The following PAPPA2 variants were observed in gnomAD, a reference collection of about 807,000 sequenced individuals.
The protein encoded by PAPPA2 is pappalysin-2.
PAPPA2 carries 86 observed loss-of-function variants against 176.4 expected under a neutral mutation model. That is an observed-to-expected ratio of 0.49 (90% CI 0.41 to 0.58). PAPPA2 has a LOEUF of 0.58. Ranked by LOEUF, PAPPA2 falls within the 20% of genes least tolerant of loss-of-function variation. PAPPA2 has a pLI of 0.00. For synonymous variants in PAPPA2, 809 were observed against 852.2 expected (o/e 0.95, Z 0.88); for missense variants, 2,073 against 2,256.9 (o/e 0.92, Z 1.65).
chr1:176,768,578 C>T lies in PAPPA2; in HGVS notation c.4324-1029C>T, dbSNP rs539644850. 9.9e-5 allele frequency among the ~76,000 whole-genome samples: 15 copies of T among 152,268 alleles called. No homozygotes were observed. The East Asian group carries it at 2.9e-3, about 29-fold the overall frequency. ...TTTACTTTCTTTTCTGCCTTTCTCC[C>T]TCCTTTTCTCCTTTCTATTCTTCCT... On this transcript the variant is annotated intron_variant, in intron 15 of 22. Transcript: ENST00000367662.
At chr1:176,655,354 A>G (rs1051552970) in intron 3 of PAPPA2, among the ~76,000 whole-genome samples, 1 of 151,818 alleles carries the variant, frequency 6.6e-6, no homozygotes, top group Non-Finnish European at 1.5e-5. Flanking sequence ...GAATGAGAGA[A>G]AATATTTGTT....
chr1:176,583,944 A>G (rs923484457), intron 2 of PAPPA2, among the ~76,000 whole-genome samples: 1 of 152,168 alleles, frequency 6.6e-6, no homozygotes, highest in African/African-American at 2.4e-5. Context: ...AGTCCCAGCT[A>G]CTTGAGAGGA....
chr1:176,727,949 G>A (rs949145886), intron 12 of PAPPA2, among the ~76,000 whole-genome samples: 1 of 151,842 alleles, frequency 6.6e-6, no homozygotes, highest in South Asian at 2.1e-4. Context: ...AAAATATTTT[G>A]AGCTGAATTA....
At chr1:176,694,726 T>C (rs1161637141) in intron 6 of PAPPA2, among the ~76,000 whole-genome samples, 4 of 152,242 alleles carry the variant, frequency 2.6e-5, no homozygotes, top group African/African-American at 7.2e-5. Context: ...ATAGTACTTG[T>C]AGAACTTTCA....
intron 4 of PAPPA2, among the ~76,000 whole-genome samples, chr1:176,687,653 G>A (rs1431178007): frequency 6.6e-6 from 1 of 152,150 alleles, no homozygotes; most frequent in African/African-American, 2.4e-5. Context: ...GATCACAAAA[G>A]GACCTGGGCC....
At chr1:176,812,650 T>G (rs1666206197) in intron 21 of PAPPA2, among the ~76,000 whole-genome samples, 1 of 152,228 alleles carries the variant, frequency 6.6e-6, no homozygotes, top group African/African-American at 2.4e-5. Flanking sequence ...TCATAAAATT[T>G]GAACCATTTC....
intron 4 of PAPPA2, among the ~76,000 whole-genome samples, chr1:176,673,137 T>C (rs1437437167): frequency 6.6e-6 from 1 of 152,138 alleles, no homozygotes; most frequent in Non-Finnish European, 1.5e-5. Flanking sequence ...TGGCTATTGG[T>C]TTCAGGAACA....
intron 14 of PAPPA2, among the ~76,000 whole-genome samples, chr1:176,754,033 T>TC (rs398103394): frequency 2.7e-5 from 4 of 150,488 alleles, no homozygotes; most frequent in Non-Finnish European, 5.9e-5. Flanking sequence ...TTTTTTTTTT[T>TC]CTTTCAACTC....
At chr1:176,628,533 A>G (rs568677142) in intron 3 of PAPPA2, among the ~76,000 whole-genome samples, 3 of 152,212 alleles carry the variant, frequency 2.0e-5, no homozygotes, top group Non-Finnish European at 4.4e-5. Context: ...AATAAAATAG[A>G]AAACAAAAGC....
At chr1:176,784,638 G>A (rs1442296304) in intron 17 of PAPPA2, among the ~76,000 whole-genome samples, 1 of 150,934 alleles carries the variant, frequency 6.6e-6, no homozygotes, top group Non-Finnish European at 1.5e-5. Context: ...CCAGGCTGGA[G>A]TGCAGTGGTG....
intron 2 of PAPPA2, among the ~76,000 whole-genome samples, chr1:176,562,950 G>T (rs1358614273): frequency 4.6e-5 from 7 of 152,132 alleles, no homozygotes; most frequent in African/African-American, 1.4e-4. Flanking sequence ...TTTTCTCTAT[G>T]TCTCTGCTTC....
intron 3 of PAPPA2, among the ~76,000 whole-genome samples, chr1:176,621,189 G>A (rs915565405): frequency 6.6e-6 from 1 of 152,206 alleles, no homozygotes; most frequent in Admixed American, 6.5e-5. Context: ...TTCTTCTGAG[G>A]TTGAGGACAT....
At chr1:176,832,536 A>G (rs1220632949) in intron 21 of PAPPA2, among the ~76,000 whole-genome samples, 1 of 151,938 alleles carries the variant, frequency 6.6e-6, no homozygotes, top group African/African-American at 2.4e-5. Context: ...TATTTTTAGT[A>G]GAGACAGGGT....
intron 21 of PAPPA2, among the ~76,000 whole-genome samples, chr1:176,828,618 A>G (rs955253804): frequency 6.6e-6 from 1 of 152,176 alleles, no homozygotes; most frequent in Non-Finnish European, 1.5e-5. Flanking sequence ...ATATATACAT[A>G]CGGATATATG....
intron 1 of PAPPA2, among the ~76,000 whole-genome samples, chr1:176,536,202 T>A (rs991923725): frequency 6.6e-6 from 1 of 152,240 alleles, no homozygotes; most frequent in Non-Finnish European, 1.5e-5. Context: ...CTTTGTCTAA[T>A]GTTTTCTTTT....
At chr1:176,805,760 AT>A (rs2102955597) in intron 21 of PAPPA2, among the ~76,000 whole-genome samples, 1 of 152,230 alleles carries the variant, frequency 6.6e-6, no homozygotes, top group South Asian at 2.1e-4. Flanking sequence ...AAGCAGGAGG[AT>A]CACTTGAGGT....
chr1:176,513,914 C>T (rs1006207657), intron 1 of PAPPA2, among the ~76,000 whole-genome samples: 4 of 152,040 alleles, frequency 2.6e-5, no homozygotes, highest in Non-Finnish European at 1.5e-5. Flanking sequence ...ATGACTGTAA[C>T]CACTTTCTTC....
At chr1:176,646,527 T>G (rs2102736045) in intron 3 of PAPPA2, among the ~76,000 whole-genome samples, 1 of 150,946 alleles carries the variant, frequency 6.6e-6, no homozygotes, top group Middle Eastern at 3.4e-3. Context: ...AACTGTATTT[T>G]TGTACACATG....
intron 12 of PAPPA2, among the ~76,000 whole-genome samples, chr1:176,725,428 G>A (rs540540337): frequency 2.0e-5 from 3 of 152,202 alleles, no homozygotes; most frequent in Admixed American, 1.3e-4. Context: ...AGTAAACAAT[G>A]CCTCATATGA....
Sources: gnomAD v4.1 joint callset for allele counts (sites outside exome capture counted in the v4.1 genomes callset) on GRCh38, gnomAD v4.1.1 for gene constraint, MANE v1.5 for transcripts, NCBI Gene and HGNC (gene_info 2026-07-23, HGNC 2026-07-21) for gene names.